DENND5A: variants seen among roughly 807,000 people sequenced by gnomAD.
DENND5A encodes DENN domain containing 5A.
A neutral mutation model predicts 140.3 loss-of-function variants in DENND5A; 64 were observed. The observed-to-expected ratio is 0.46, with a 90% CI of 0.37 to 0.56. DENND5A has a LOEUF of 0.56. DENND5A is among the 20% of genes least tolerant of loss of function. The probability of loss-of-function intolerance (pLI) is 0.00; values close to 1 mark genes in which losing one functional copy is unlikely to be tolerated. For synonymous variants in DENND5A, 605 were observed against 607.7 expected, an observed-to-expected ratio of 1.00 and a Z score of 0.07; for missense variants, 1,292 against 1,593.8, an observed-to-expected ratio of 0.81 and a Z score of 3.22.
chr11:9,216,044 T>C (rs1850081607), intron 1 of DENND5A, among the ~76,000 whole-genome samples: 1 of 152,206 alleles, frequency 6.6e-6, no homozygotes, highest in African/African-American at 2.4e-5. Flanking sequence ...AGGGTCCCCA[T>C]GCTCTCCTCA....
chr11:9,236,785 A>ACAGG (rs1177665586), intron 1 of DENND5A, among the ~76,000 whole-genome samples: 2 of 151,842 alleles, frequency 1.3e-5, no homozygotes, highest in African/African-American at 4.8e-5. Context: ...AGGAAGGAAG[A>ACAGG]CAGGCAGGCA....
At chr11:9,146,632 G>A (rs562070372) in intron 16 of DENND5A, among the ~76,000 whole-genome samples, 1 of 152,278 alleles carries the variant, frequency 6.6e-6, no homozygotes, top group African/African-American at 2.4e-5. Flanking sequence ...TTTCCCTTCA[G>A]CCTGGTTTGA....
At chr11:9,204,355 T>A (rs756564680) in intron 3 of DENND5A, 38 bp from the exon 4 acceptor site, 1 of 1,571,386 alleles carries the variant, frequency 6.4e-7, no homozygotes, top group Non-Finnish European at 8.6e-7. Flanking sequence ...GTGAGAACAC[T>A]CACTGGCGAT....
At chr11:9,156,862 AGGATGGAT>A (rs989593931) in intron 12 of DENND5A, among the ~76,000 whole-genome samples, 10 of 134,948 alleles carry the variant, frequency 7.4e-5, no homozygotes, top group African/African-American at 2.6e-4. Flanking sequence ...GAGGGATGGA[AGGATGGAT>A]GGAAGGAAGG....
chr11:9,156,694 T>C (rs1253704623), intron 12 of DENND5A, among the ~76,000 whole-genome samples: 3 of 151,244 alleles, frequency 2.0e-5, no homozygotes, highest in Admixed American at 2.0e-4. Flanking sequence ...CCCAGCTACT[T>C]GGCAGGCTGA....
Position 9,142,043 on chromosome 11 carries a change from T to A in DENND5A, c.3577A>T (p.Thr1193Ser), listed in dbSNP as rs759277879. Residue 1193 changes from threonine (T) to serine (S), a missense_variant, in exon 22 of 23, where the codon ACA (threonine) becomes TCA (serine). Physicochemically the swap from Thr to Ser is moderately conservative, Grantham distance 58 (BLOSUM62 1). Around this residue, in one of 4 missense-constraint regions of DENND5A, gnomAD observed 498 missense variants for 689.7 expected, o/e 0.72. Coordinates refer to ENST00000328194, the MANE Select transcript of DENND5A (RefSeq NM_015213.4). ...NEVVPEENWH[T>S]RARNFCRFVT... The stretch of plus-strand genomic sequence containing the variant: ...AATCGGCAGAAGTTCCGGGCTCTTG[T>A]ATGCCAGTTTTCCTCAGGGACTACT... 4.4e-6 allele frequency: 7 copies of A among 1,606,504 alleles called. No homozygotes were observed. The highest frequency in any genetic ancestry group is 1.1e-5 in the South Asian group (1 of 88,852).
At chr11:9,237,906 T>C (rs1042272673) in intron 1 of DENND5A, among the ~76,000 whole-genome samples, 1 of 152,006 alleles carries the variant, frequency 6.6e-6, no homozygotes, top group African/African-American at 2.4e-5. Context: ...ATTTCTTGGA[T>C]TCACCAAAGT....
intron 15 of DENND5A, 79 bp downstream of exon 15, chr11:9,150,002 T>G (rs1446296394): frequency 9.8e-6 from 15 of 1,527,220 alleles, no homozygotes; most frequent in Middle Eastern, 4.5e-4. Context: ...CACTGAATAC[T>G]CCCCCTTCCC....
chr11:9,157,428 T>C (rs916730930), intron 12 of DENND5A, among the ~76,000 whole-genome samples: 2 of 152,204 alleles, frequency 1.3e-5, no homozygotes, highest in African/African-American at 2.4e-5. Context: ...TACTTCATTA[T>C]TCATGTAATA....
intron 22 of DENND5A, among the ~76,000 whole-genome samples, chr11:9,141,400 G>A (rs1283670781): frequency 6.6e-6 from 1 of 152,150 alleles, no homozygotes; most frequent in Non-Finnish European, 1.5e-5. Flanking sequence ...TCTGAGAAAT[G>A]TGTCATTAGA....
chr11:9,148,823 G>A (rs1847515923), intron 15 of DENND5A, among the ~76,000 whole-genome samples: 1 of 152,160 alleles, frequency 6.6e-6, no homozygotes, highest in Admixed American at 6.5e-5. Flanking sequence ...GACATGTCAG[G>A]GCTAGAACTT....
intron 5 of DENND5A, among the ~76,000 whole-genome samples, chr11:9,190,663 T>C (rs1452373024): frequency 2.0e-5 from 3 of 152,192 alleles, no homozygotes; most frequent in East Asian, 1.9e-4. Flanking sequence ...AAAAATGGAC[T>C]AATACACTGC....
At chr11:9,259,383 C>T (rs552215738) in intron 1 of DENND5A, among the ~76,000 whole-genome samples, 1 of 151,352 alleles carries the variant, frequency 6.6e-6, no homozygotes, top group Non-Finnish European at 1.5e-5. Flanking sequence ...ACGGTGACAC[C>T]CCATCTCTAC....
intron 1 of DENND5A, among the ~76,000 whole-genome samples, chr11:9,230,062 C>A (rs1172521038): frequency 6.6e-6 from 1 of 150,868 alleles, no homozygotes; most frequent in Non-Finnish European, 1.5e-5. Flanking sequence ...GCGCCTGCCA[C>A]CACGTCCAGC....
At chr11:9,149,332 T>A (rs1847535798) in intron 15 of DENND5A, among the ~76,000 whole-genome samples, 2 of 152,212 alleles carry the variant, frequency 1.3e-5, no homozygotes, top group Admixed American at 6.5e-5. Flanking sequence ...ATACCTTTTA[T>A]GTGGGCTGGC....
intron 11 of DENND5A, among the ~76,000 whole-genome samples, chr11:9,164,504 G>C (rs1189014338): frequency 6.6e-6 from 1 of 152,076 alleles, no homozygotes; most frequent in Non-Finnish European, 1.5e-5. Flanking sequence ...GGATGTAGTA[G>C]AGACTGAGTT....
chr11:9,240,786 C>T (rs77251037), intron 1 of DENND5A, among the ~76,000 whole-genome samples: 12,216 of 151,974 alleles, frequency 0.08, 653 homozygotes, highest in Middle Eastern at 0.12. Flanking sequence ...TTCTCTAGCA[C>T]TCAACATAGA....
intron 1 of DENND5A, among the ~76,000 whole-genome samples, chr11:9,259,991 G>C (rs1400683519): frequency 7.8e-6 from 1 of 128,248 alleles, no homozygotes; most frequent in East Asian, 2.4e-4. Flanking sequence ...TCACGCCATT[G>C]CACTCCAGCC....
chr11:9,189,617 G>GT lies in DENND5A; in HGVS notation c.1137+3876_1137+3877insA, dbSNP rs1253448369. Among the ~76,000 whole-genome samples, 139 of 136,998 alleles carry GT rather than the reference G, an allele frequency of 1.0e-3. 1 individual carries two copies. The highest frequency in any genetic ancestry group is 1.2e-3 in the Non-Finnish European group (74 of 60,066). The allele number at this position is 136,998 out of a possible 152,430, so 89.9% of individuals were successfully genotyped here. On this transcript the variant is annotated intron_variant, in intron 5 of 22. Coordinates refer to ENST00000328194, the MANE Select transcript of DENND5A (RefSeq NM_015213.4). ...ACCTCTTTTTTTGTTGCTGTTGTTT[G>GT]GTTTTTTTTTTTTGGTTTTTTTGTT...
Sources: gnomAD v4.1 joint callset for allele counts (sites outside exome capture counted in the v4.1 genomes callset) on GRCh38, gnomAD v4.1.1 for gene constraint, gnomAD v4.1.1 regional missense constraint, MANE v1.5 for transcripts, NCBI Gene and HGNC (gene_info 2026-07-23, HGNC 2026-07-21) for gene names.